HERPUD1: variants seen among roughly 807,000 people sequenced by gnomAD.
The protein encoded by HERPUD1 is homocysteine inducible ER protein with ubiquitin like domain 1.
HERPUD1 carries 17 observed loss-of-function variants against 45.0 expected under a neutral mutation model. That is an observed-to-expected ratio of 0.38 (90% CI 0.26 to 0.57). The LOEUF (loss-of-function observed/expected upper bound fraction) is 0.57. HERPUD1 is among the 20% of genes least tolerant of loss of function. The pLI, the probability that HERPUD1 is intolerant of heterozygous loss-of-function variation, is 0.72. For missense variants in HERPUD1, 420 were observed against 490.5 expected, an observed-to-expected ratio of 0.86 and a Z score of 1.36; for synonymous variants, 164 against 177.5, an observed-to-expected ratio of 0.92 and a Z score of 0.61.
At chr16:56,937,034 T>C in intron 4 of HERPUD1, 1 of 360,354 alleles carries the variant, frequency 2.8e-6, no homozygotes, top group Non-Finnish European at 5.0e-6. Context: ...AGGTAATGCA[T>C]ATATTGAAAA....
chr16:56,941,214 A>G (rs1330628098), intron 6 of HERPUD1: 1 of 152,252 alleles, frequency 6.6e-6, no homozygotes, highest in African/African-American at 2.4e-5. Context: ...CTTCCAGGGT[A>G]AAGTCAGGCA....
At chr16:56,941,153 C>T (rs1374596531) in intron 6 of HERPUD1, 1 of 151,972 alleles carries the variant, frequency 6.6e-6, no homozygotes, top group East Asian at 1.9e-4. Flanking sequence ...GAACAGAAAA[C>T]TGTATTTGTT....
Position 56,932,145 on chromosome 16 carries a change from C to T in HERPUD1, c.-100C>T, listed in dbSNP as rs773621451. The T allele has an allele frequency of 2.1e-5, 33 of 1,542,500 alleles. 1 individual carries two copies. The South Asian group carries it at 2.2e-4, about 10-fold the overall frequency. ...GGCGCCCGAAGCGGGGGCGCGCGCC[C>T]CAGAGACGTGAACTGTCGTTGCAGA... On this transcript the variant is annotated 5_prime_UTR_variant, in exon 1 of 8. Coordinates refer to ENST00000439977, the MANE Select transcript of HERPUD1 (RefSeq NM_014685.4).
Position 56,932,363 on chromosome 16 carries a change from A to C in HERPUD1, c.119A>C (p.His40Pro). 6.3e-7 allele frequency: 1 copy of C among 1,595,508 alleles called. No individual in the cohort carries two copies. Among genetic ancestry groups the C allele is most frequent in the Non-Finnish European group, 8.5e-7 (1 of 1,174,640 alleles). The change falls in exon 1 of 8, where the codon CAC becomes CCC. Residue 40 changes from histidine to proline, a missense_variant. His to Pro is a moderately conservative substitution (Grantham distance 77, BLOSUM62 -2). Coordinates refer to ENST00000439977, the MANE Select transcript of HERPUD1 (RefSeq NM_014685.4). ...RGWSVGHLKA[H>P]LSRVYPERPR... ...TGGAGTGTGGGCCACCTCAAGGCCCACCTGAGCCGCGTCTACCCCGAGCGT... is the reference window on the plus strand; with the variant it reads ...TGGAGTGTGGGCCACCTCAAGGCCCCCCTGAGCCGCGTCTACCCCGAGCGT...
At chr16:56,935,084 C>A in intron 1 of HERPUD1, 151 bp from the exon 2 acceptor site, 1 of 616,678 alleles carries the variant, frequency 1.6e-6, no homozygotes, top group Non-Finnish European at 2.9e-6. Context: ...AAATAGAAGT[C>A]TTGTATATGG....
At chr16:56,938,542 A>G (rs903214015) in intron 4 of HERPUD1, among the ~76,000 whole-genome samples, 4 of 146,976 alleles carry the variant, frequency 2.7e-5, no homozygotes, top group Admixed American at 1.4e-4. Context: ...CAGGCTGGGC[A>G]ACAGAGCGAG....
chr16:56,943,376 G>T lies in HERPUD1; in HGVS notation c.*86G>T, dbSNP rs758728221. ...AGCTAGATTGCCTCTCCTGGACATG[G>T]CAATGATGAGTTTTTAAAAAACAGT... On this transcript the variant is annotated 3_prime_UTR_variant, in exon 8 of 8. Coordinates refer to ENST00000439977, the MANE Select transcript of HERPUD1 (RefSeq NM_014685.4). 3.5e-6 allele frequency: 5 copies of T among 1,439,178 alleles called. No individual in the cohort carries two copies. The East Asian group carries it at 1.1e-4, about 33-fold the overall frequency. 89.2% of individuals were successfully genotyped at this position (1,439,178 alleles called of 1,614,324 possible).
chr16:56,944,812 T>G lies in HERPUD1; in HGVS notation c.*1522T>G, dbSNP rs1449503914. 6.6e-6 allele frequency: 1 copy of G among 152,200 alleles called. No homozygotes were observed. The highest frequency in any genetic ancestry group is 1.5e-5 in the Non-Finnish European group (1 of 68,044). The allele number at this position is 152,200 out of a possible 1,614,324, so 9.4% of individuals were successfully genotyped here. ...AAAGTTTTATATATTTTTACGTGAG[T>G]AATGTTATGTGTAGGTGTTCTATTT... On this transcript the variant is annotated 3_prime_UTR_variant, in exon 8 of 8. Coordinates refer to ENST00000439977, the MANE Select transcript of HERPUD1 (RefSeq NM_014685.4).
At chr16:56,936,665 T>G in intron 3 of HERPUD1, 22 bp from the exon 4 acceptor site, 1 of 1,599,454 alleles carries the variant, frequency 6.3e-7, no homozygotes, top group Middle Eastern at 1.7e-4. Flanking sequence ...CTTTGTTCTG[T>G]GTTCATGTTA....
chr16:56,932,277 G>C lies in HERPUD1; in HGVS notation c.33G>C (p.Thr11=), dbSNP rs1328453919. ...CCGAGACCGAACCCGAGCCCGTCAC[G>C]CTCCTGGTGAAGAGCCCCAACCAGC... is the stretch of plus-strand genomic sequence containing the variant. The part of the protein sequence containing the change: MESETEPEPV[T]LLVKSPNQRH... Residue 11 remains threonine (T), a synonymous_variant, in exon 1 of 8, where the codon ACG becomes ACC. Transcript: ENST00000439977. 8 of 1,609,124 alleles carry C rather than the reference G, an allele frequency of 5.0e-6. No homozygotes were observed. The highest frequency in any genetic ancestry group is 6.8e-6 in the Non-Finnish European group (8 of 1,179,412).
chr16:56,939,215 G>GT (rs1196742943), intron 4 of HERPUD1, 22 bp from the exon 5 acceptor site: 2 of 1,610,640 alleles, frequency 1.2e-6, no homozygotes, highest in Non-Finnish European at 1.7e-6. Flanking sequence ...CAAAATGAGT[G>GT]TTTTTTCAAA....
At chr16:56,933,058 T>C in intron 1 of HERPUD1, 1 of 312,768 alleles carries the variant, frequency 3.2e-6, no homozygotes, top group South Asian at 2.6e-5. Flanking sequence ...TTGTTTTGGT[T>C]GACACATCTG....
At chr16:56,936,641 A>G in intron 3 of HERPUD1, 46 bp from the exon 4 acceptor site, 3 of 1,503,584 alleles carry the variant, frequency 2.0e-6, no homozygotes, top group Non-Finnish European at 2.7e-6. Flanking sequence ...GATTTCAGAC[A>G]GTTGCATCAG....
chr16:56,934,518 T>G (rs2055849921), intron 1 of HERPUD1, among the ~76,000 whole-genome samples: 1 of 152,092 alleles, frequency 6.6e-6, no homozygotes, highest in Non-Finnish European at 1.5e-5. Flanking sequence ...TAGAATAGCT[T>G]CATATTATTT....
chr16:56,936,936 G>T, intron 4 of HERPUD1, 119 bp downstream of exon 4: 1 of 1,137,046 alleles, frequency 8.8e-7, no homozygotes, highest in Non-Finnish European at 1.2e-6. Flanking sequence ...ACAGAATTTT[G>T]CTTTATAAAT....
intron 1 of HERPUD1, among the ~76,000 whole-genome samples, chr16:56,934,347 T>C (rs1268338208): frequency 6.6e-6 from 1 of 152,180 alleles, no homozygotes; most frequent in African/African-American, 2.4e-5. Context: ...ATTGTGACAC[T>C]GTGGCAGCAG....
rs1313222542 is a variant in HERPUD1 at position 56,932,153 on chromosome 16, GTGAACT to G, written c.-91_-86del. The G allele has an allele frequency of 6.5e-7, 1 of 1,548,230 alleles. No homozygotes were observed. Among genetic ancestry groups the G allele is most frequent in the Non-Finnish European group, 8.7e-7 (1 of 1,153,682 alleles). ...AAGCGGGGGCGCGCGCCCCAGAGAC[GTGAACT>G]GTCGTTGCAGAGATTGCGGGCGGCT... On this transcript the variant is annotated 5_prime_UTR_variant, in exon 1 of 8. Transcript: ENST00000439977.
intron 1 of HERPUD1, among the ~76,000 whole-genome samples, chr16:56,934,187 C>A (rs2055847418): frequency 6.6e-6 from 1 of 152,122 alleles, no homozygotes; most frequent in African/African-American, 2.4e-5. Context: ...CTCCAATAGA[C>A]AGATTATATG....
chr16:56,932,473 T>G, intron 1 of HERPUD1, 82 bp downstream of exon 1: 1 of 1,259,032 alleles, frequency 7.9e-7, no homozygotes, highest in Non-Finnish European at 1.1e-6. Flanking sequence ...TGCCCTGTCC[T>G]GTGGCCTCCT....
Sources: gnomAD v4.1 joint callset for allele counts (sites outside exome capture counted in the v4.1 genomes callset) on GRCh38, gnomAD v4.1.1 for gene constraint, MANE v1.5 for transcripts, NCBI Gene and HGNC (gene_info 2026-07-23, HGNC 2026-07-21) for gene names.